Variants in CTNNA3 observed in about 807,000 individuals in gnomAD.
The protein encoded by CTNNA3 is catenin alpha-3.
CTNNA3 carries 76 observed loss-of-function variants against 95.7 expected under a neutral mutation model. That is an observed-to-expected ratio of 0.79 (90% CI 0.66 to 0.96). The LOEUF is 0.96. Ranked by LOEUF, CTNNA3 falls within the 40% of genes least tolerant of loss-of-function variation. CTNNA3 has a pLI of 0.00. For missense variants in CTNNA3, 1,191 were observed against 1,089.8 expected (o/e 1.09, Z -1.31); for synonymous variants, 431 against 374.4 (o/e 1.15, Z -1.74).
chr10:66,669,803 T>C (rs1258169089), intron 9 of CTNNA3, among the ~76,000 whole-genome samples: 1 of 152,122 alleles, frequency 6.6e-6, no homozygotes, highest in East Asian at 1.9e-4. Flanking sequence ...ATCTTTAAAA[T>C]ATTGTCAATG....
At chr10:66,317,133 A>C (rs577044342) in intron 12 of CTNNA3, among the ~76,000 whole-genome samples, 1 of 152,284 alleles carries the variant, frequency 6.6e-6, no homozygotes. Context: ...ATGATCAGTT[A>C]GACAATAAGA....
In CTNNA3 at chr10:66,352,900, G is replaced by A. The variant is rs556850020; in HGVS notation, c.1732+26252C>T. ...TGGTTATCTTGGGGAGGCAGACTGTGGTGAAGCAGGAAGAGGAGGTCATCA... is the reference window on the plus strand; with the variant it reads ...TGGTTATCTTGGGGAGGCAGACTGTAGTGAAGCAGGAAGAGGAGGTCATCA... On this transcript the variant is annotated intron_variant, in intron 12 of 17. Transcript: ENST00000433211. 2.0e-5 allele frequency among the ~76,000 whole-genome samples: 3 copies of A among 152,106 alleles called. No homozygotes were observed. In the South Asian group the frequency reaches 6.2e-4, roughly 32 times the overall value.
At position 66,387,513 on chromosome 10, in the gene CTNNA3, C is replaced by A. The variant is rs374106554; in HGVS notation, c.1532-8161G>T. 4.5e-4 allele frequency among the ~76,000 whole-genome samples: 69 copies of A among 152,256 alleles called. 1 individual carries two copies. In the South Asian group the frequency reaches 0.014, roughly 31 times the overall value. ...CTGTTGGTGGGTGTGTAAATTGGTT[C>A]AACCATTGTGGAAGATATTGTGGCG... is the stretch of plus-strand genomic sequence containing the variant. On this transcript the variant is annotated intron_variant, in intron 11 of 17. Transcript: ENST00000433211.
chr10:67,216,051 A>G (rs1439017217), intron 6 of CTNNA3, among the ~76,000 whole-genome samples: 3 of 152,116 alleles, frequency 2.0e-5, no homozygotes, highest in Non-Finnish European at 4.4e-5. Flanking sequence ...TAGAAACCAA[A>G]CCATTTTTTA....
In CTNNA3 at chr10:67,301,417, A is replaced by G. The variant is rs182405273; in HGVS notation, c.580-81547T>C. Among the ~76,000 whole-genome samples the G allele has an allele frequency of 4.7e-3, 717 of 152,330 alleles. 6 individuals carry two copies. The highest frequency in any genetic ancestry group is 0.017 in the African/African-American group (689 of 41,578). On this transcript the variant is annotated intron_variant, in intron 5 of 17. Coordinates refer to ENST00000433211, the MANE Select transcript of CTNNA3 (RefSeq NM_013266.4). ...CACTGTGGTGGGAAGGTCAATTAGTACAGCCATTATAGAAAACAGCATGGA... is the reference window on the plus strand; with the variant it reads ...CACTGTGGTGGGAAGGTCAATTAGTGCAGCCATTATAGAAAACAGCATGGA...
chr10:65,918,286 T>C lies in CTNNA3; in HGVS notation c.*2044A>G, dbSNP rs543671644. 1.3e-5 allele frequency: 2 copies of C among 152,294 alleles called. No individual in the cohort carries two copies. Among genetic ancestry groups the C allele is most frequent in the South Asian group, 4.1e-4 (2 of 4,820 alleles). The allele number at this position is 152,294 out of a possible 1,614,324, so 9.4% of individuals were successfully genotyped here. ...ATTTTCTAAATGAGATGCTTATGAT[T>C]CTTGTGAATGTGGCTTTAGGAGCTA... On this transcript the variant is annotated 3_prime_UTR_variant, in exon 18 of 18. Transcript: ENST00000433211.
chr10:66,381,751 C>G (rs970052555), intron 11 of CTNNA3, among the ~76,000 whole-genome samples: 60 of 152,118 alleles, frequency 3.9e-4, no homozygotes, highest in African/African-American at 1.4e-3. Context: ...GGGCTTTAAC[C>G]TAATTTGCAG....
rs546821809 is a variant in CTNNA3 at position 66,430,017 on chromosome 10, C to T, written c.1532-50665G>A. 8.1e-5 allele frequency among the ~76,000 whole-genome samples: 11 copies of T among 136,392 alleles called. 1 individual carries two copies. The highest frequency in any genetic ancestry group is 2.6e-4 in the South Asian group (1 of 3,910). The allele number at this position is 136,392 out of a possible 152,430, so 89.5% of individuals were successfully genotyped here. ...ATCTAGAAAACCCCATCATCTCAGT[C>T]GAAAATCTCCTTAAGCTGATAAGCA... On this transcript the variant is annotated intron_variant, in intron 11 of 17. Coordinates refer to ENST00000433211, the MANE Select transcript of CTNNA3 (RefSeq NM_013266.4).
At chr10:66,347,715 C>A (rs1031659621) in intron 12 of CTNNA3, among the ~76,000 whole-genome samples, 2 of 151,664 alleles carry the variant, frequency 1.3e-5, no homozygotes, top group African/African-American at 2.4e-5. Flanking sequence ...ATATCATACA[C>A]AACTGAAGAA....
intron 5 of CTNNA3, among the ~76,000 whole-genome samples, chr10:67,305,518 G>C (rs1208587495): frequency 1.9e-4 from 29 of 152,008 alleles, no homozygotes; most frequent in Non-Finnish European, 8.8e-5. Context: ...AAAATCTATA[G>C]AGAATCATGG....
chr10:66,099,484 C>T (rs892607300), intron 14 of CTNNA3, among the ~76,000 whole-genome samples: 2 of 151,986 alleles, frequency 1.3e-5, no homozygotes, highest in African/African-American at 2.4e-5. Flanking sequence ...CTCAAGAATA[C>T]GAGATGTCTG....
chr10:66,668,221 T>C (rs1278417898), intron 9 of CTNNA3, among the ~76,000 whole-genome samples: 1 of 152,060 alleles, frequency 6.6e-6, no homozygotes, highest in Non-Finnish European at 1.5e-5. Flanking sequence ...ATAAGGAAAT[T>C]AAGAACTGAT....
chr10:67,222,021 A>G (rs1247565788), intron 5 of CTNNA3, among the ~76,000 whole-genome samples: 2 of 152,132 alleles, frequency 1.3e-5, no homozygotes, highest in Non-Finnish European at 2.9e-5. Flanking sequence ...AGAAACTAGT[A>G]AAGGAACAGA....
chr10:67,483,788 CA>C (rs1014896049), intron 5 of CTNNA3, among the ~76,000 whole-genome samples: 13 of 129,488 alleles, frequency 1.0e-4, no homozygotes, highest in South Asian at 2.6e-4. Context: ...AAAAAAAAAA[CA>C]AAAAAAAAAC....
At chr10:66,530,190 T>A (rs1841418239) in intron 10 of CTNNA3, among the ~76,000 whole-genome samples, 1 of 152,198 alleles carries the variant, frequency 6.6e-6, no homozygotes, top group Non-Finnish European at 1.5e-5. Flanking sequence ...AAAGATGATT[T>A]ATATGTAGTA....
intron 9 of CTNNA3, among the ~76,000 whole-genome samples, chr10:66,724,504 T>C (rs1261420346): frequency 6.6e-6 from 1 of 152,214 alleles, no homozygotes; most frequent in Non-Finnish European, 1.5e-5. Flanking sequence ...GCAGAAGATT[T>C]ACCTTACTAA....
chr10:67,571,445 T>C (rs1405060283), intron 3 of CTNNA3, among the ~76,000 whole-genome samples: 2 of 152,208 alleles, frequency 1.3e-5, no homozygotes, highest in Non-Finnish European at 1.5e-5. Context: ...AACAAGTGTT[T>C]CTAGAAATGT....
chr10:66,367,878 A>G (rs1192149862), intron 12 of CTNNA3, among the ~76,000 whole-genome samples: 569 of 8,712 alleles, frequency 0.065, 10 homozygotes, highest in African/African-American at 0.15. Flanking sequence ...AATAATAATA[A>G]TAATTATTAT....
intron 11 of CTNNA3, among the ~76,000 whole-genome samples, chr10:66,385,770 T>C (rs1337621161): frequency 6.6e-6 from 1 of 152,202 alleles, no homozygotes; most frequent in East Asian, 1.9e-4. Flanking sequence ...ATCCCTGGGA[T>C]GCAAGGCCGG....
Sources: gnomAD v4.1 joint callset for allele counts (sites outside exome capture counted in the v4.1 genomes callset) on GRCh38, gnomAD v4.1.1 for gene constraint, MANE v1.5 for transcripts, NCBI Gene and HGNC (gene_info 2026-07-23, HGNC 2026-07-21) for gene names.